The following WDR72 variants were observed in gnomAD, a reference collection of about 807,000 sequenced individuals.
WDR72 encodes WD repeat-containing protein 72.
A neutral mutation model predicts 124.2 loss-of-function variants in WDR72; 120 were observed. The ratio of observed to expected loss-of-function variants is 0.97; its 90% CI spans 0.83 to 1.12. The LOEUF (loss-of-function observed/expected upper bound fraction) is 1.12, where lower values mean the gene tolerates loss of function less well. WDR72 is among the 50% of genes most tolerant of loss of function. WDR72 has a pLI of 0.00. For synonymous variants in WDR72, 452 were observed against 441.7 expected, an observed-to-expected ratio of 1.02 and a Z score of -0.29; for missense variants, 1,387 against 1,278.8, an observed-to-expected ratio of 1.08 and a Z score of -1.29.
intron 13 of WDR72, among the ~76,000 whole-genome samples, chr15:53,694,429 A>T (rs79630253): frequency 0.013 from 1,978 of 152,264 alleles, 30 homozygotes; most frequent in East Asian, 0.069. Flanking sequence ...GTCATCTGAG[A>T]AATCAGATGA....
At chr15:53,731,872 G>T (rs1406690392) in intron 2 of WDR72, among the ~76,000 whole-genome samples, 1 of 152,058 alleles carries the variant, frequency 6.6e-6, no homozygotes, top group Non-Finnish European at 1.5e-5. Context: ...ATAAATATTA[G>T]CAATGCCTTT....
intron 13 of WDR72, among the ~76,000 whole-genome samples, chr15:53,666,290 T>C (rs1228438205): frequency 6.6e-6 from 1 of 152,182 alleles, no homozygotes; most frequent in African/African-American, 2.4e-5. Flanking sequence ...TTATTGTTGG[T>C]ATTGTTGTGA....
intron 2 of WDR72, among the ~76,000 whole-genome samples, chr15:53,731,686 G>A (rs1321615663): frequency 1.3e-5 from 2 of 151,696 alleles, no homozygotes; most frequent in Non-Finnish European, 2.9e-5. Flanking sequence ...TCCCTGCTTA[G>A]AGTGCCTTAT....
intron 7 of WDR72, 118 bp from the exon 8 acceptor site, chr15:53,711,599 C>A: frequency 9.5e-7 from 1 of 1,054,250 alleles, no homozygotes; most frequent in South Asian, 1.3e-5. Flanking sequence ...ACAGACCATA[C>A]TGTACTCTCA....
chr15:53,693,593 CT>C (rs2016911491), intron 13 of WDR72, among the ~76,000 whole-genome samples: 2 of 152,200 alleles, frequency 1.3e-5, no homozygotes, highest in African/African-American at 4.8e-5. Context: ...AGCCTATGCA[CT>C]TTGAAAACAT....
intron 13 of WDR72, among the ~76,000 whole-genome samples, chr15:53,692,797 G>A (rs1052356383): frequency 3.9e-5 from 6 of 152,078 alleles, no homozygotes; most frequent in African/African-American, 1.4e-4. Flanking sequence ...TCAAAAAATG[G>A]TCAGTAAACT....
intron 2 of WDR72, among the ~76,000 whole-genome samples, chr15:53,724,705 G>C (rs2140583643): frequency 6.6e-6 from 1 of 152,282 alleles, no homozygotes; most frequent in African/African-American, 2.4e-5. Flanking sequence ...TTCAACATGA[G>C]ATTTGCGTGG....
At chr15:53,523,813 A>G in intron 18 of WDR72, among the ~76,000 whole-genome samples, 1 of 151,986 alleles carries the variant, frequency 6.6e-6, no homozygotes, top group East Asian at 1.9e-4. Flanking sequence ...ACCAAACACC[A>G]AAAAAACTAG....
chr15:53,621,054 A>T (rs2013970032), intron 14 of WDR72, among the ~76,000 whole-genome samples: 1 of 152,142 alleles, frequency 6.6e-6, no homozygotes, highest in Non-Finnish European at 1.5e-5. Flanking sequence ...AAAAATGCTC[A>T]ACATCACTAA....
At chr15:53,672,296 A>G (rs2016020194) in intron 13 of WDR72, among the ~76,000 whole-genome samples, 2 of 128,260 alleles carry the variant, frequency 1.6e-5, no homozygotes, top group South Asian at 6.4e-4. Context: ...CACATAGGTG[A>G]GGATTAAATG....
chr15:53,559,809 C>T (rs114129457), intron 18 of WDR72, among the ~76,000 whole-genome samples: 55 of 152,044 alleles, frequency 3.6e-4, no homozygotes, highest in African/African-American at 1.2e-3. Flanking sequence ...TCTCTTAACT[C>T]GACAGCTTAT....
chr15:53,559,951 A>G lies in WDR72; in HGVS notation c.3149-36629T>C, dbSNP rs756036700. On this transcript the variant is annotated intron_variant, in intron 18 of 19. Transcript: ENST00000360509. ...TATTGGATAATCATTAGAAATAAAT[A>G]AAAAGCCTTTGATACATGCAGTTAG... is the stretch of plus-strand genomic sequence containing the variant. 6.9e-4 allele frequency among the ~76,000 whole-genome samples: 105 copies of G among 152,002 alleles called. 1 individual carries two copies. Among genetic ancestry groups the G allele is most frequent in the Non-Finnish European group, 2.1e-4 (14 of 67,964 alleles).
At chr15:53,579,790 A>C (rs749947204) in intron 18 of WDR72, among the ~76,000 whole-genome samples, 1 of 152,028 alleles carries the variant, frequency 6.6e-6, no homozygotes, top group Non-Finnish European at 1.5e-5. Context: ...GTACTAGGCT[A>C]AGTTCTAACA....
chr15:53,697,126 T>C (rs537531185), intron 13 of WDR72, among the ~76,000 whole-genome samples: 7 of 152,254 alleles, frequency 4.6e-5, no homozygotes, highest in Non-Finnish European at 8.8e-5. Flanking sequence ...ATGCATACTG[T>C]TTGATACGGA....
chr15:53,694,694 A>T (rs2140509997), intron 13 of WDR72, among the ~76,000 whole-genome samples: 1 of 152,308 alleles, frequency 6.6e-6, no homozygotes. Context: ...CTGTGCCAAC[A>T]CCTACTCTGG....
chr15:53,756,652 A>G (rs1018490299), intron 1 of WDR72: 3 of 152,180 alleles, frequency 2.0e-5, no homozygotes, highest in Admixed American at 2.0e-4. Flanking sequence ...AAAGTAAACA[A>G]TTGCTACCAC....
intron 18 of WDR72, among the ~76,000 whole-genome samples, chr15:53,570,744 G>A (rs1357601937): frequency 6.6e-6 from 1 of 151,964 alleles, no homozygotes; most frequent in Non-Finnish European, 1.5e-5. Context: ...TTTACCCAAA[G>A]GAAAATAAAC....
At chr15:53,608,785 T>TAAATAAATAAATAAAA (rs61501258) in intron 17 of WDR72, among the ~76,000 whole-genome samples, 2,807 of 149,870 alleles carry the variant, frequency 0.019, 69 homozygotes, top group African/African-American at 0.054. Context: ...AATAAATAAA[T>TAAATAAATAAATAAAA]ATAAAAATAA....
At chr15:53,736,824 G>C (rs146737707) in intron 1 of WDR72, among the ~76,000 whole-genome samples, 9 of 152,148 alleles carry the variant, frequency 5.9e-5, no homozygotes, top group African/African-American at 1.9e-4. Context: ...ACAGGAAATT[G>C]GTTACATAAC....
Sources: allele counts gnomAD v4.1 joint callset (sites outside exome capture counted in the v4.1 genomes callset), GRCh38; gene constraint gnomAD v4.1.1; transcripts MANE v1.5; gene names NCBI Gene and HGNC (gene_info 2026-07-23, HGNC 2026-07-21).